The following LRRC8B variants were observed in gnomAD, a reference collection of about 807,000 sequenced individuals.
The protein encoded by LRRC8B is volume-regulated anion channel subunit LRRC8B.
Under a neutral mutation model 58.8 loss-of-function variants are expected in LRRC8B, and 23 were observed. The observed-to-expected ratio is 0.39, with a 90% CI of 0.28 to 0.55. The LOEUF is 0.55. LRRC8B is among the 20% of genes least tolerant of loss of function. The probability of loss-of-function intolerance (pLI) is 0.62; values close to 1 mark genes in which losing one functional copy is unlikely to be tolerated. For synonymous variants in LRRC8B, 359 were observed against 374.1 expected, an observed-to-expected ratio of 0.96 and a Z score of 0.47; for missense variants, 694 against 936.0, an observed-to-expected ratio of 0.74 and a Z score of 3.37.
chr1:89,548,983 A>G (rs372979647), intron 1 of LRRC8B, among the ~76,000 whole-genome samples: 54 of 152,162 alleles, frequency 3.5e-4, no homozygotes, highest in African/African-American at 1.3e-3. Context: ...AAAAAAGGAC[A>G]TATTAAGTTC....
chr1:89,555,917 C>G (rs1324254864), intron 1 of LRRC8B, among the ~76,000 whole-genome samples: 1 of 152,192 alleles, frequency 6.6e-6, no homozygotes, highest in Non-Finnish European at 1.5e-5. Context: ...CACAGAGCCC[C>G]ATTCCTGATA....
intron 1 of LRRC8B, among the ~76,000 whole-genome samples, chr1:89,533,247 A>G (rs374044066): frequency 6.6e-6 from 1 of 152,322 alleles, no homozygotes; most frequent in African/African-American, 2.4e-5. Flanking sequence ...CCTATGCCCC[A>G]GGATTAAGTC....
chr1:89,547,171 C>T (rs1430695054), intron 1 of LRRC8B, among the ~76,000 whole-genome samples: 1 of 151,536 alleles, frequency 6.6e-6, no homozygotes, highest in African/African-American at 2.4e-5. Flanking sequence ...TCAGTGACAT[C>T]ATGTTGGTAC....
chr1:89,548,401 T>C (rs1206511344), intron 1 of LRRC8B, among the ~76,000 whole-genome samples: 1 of 152,246 alleles, frequency 6.6e-6, no homozygotes, highest in African/African-American at 2.4e-5. Context: ...GTGGTCACTA[T>C]GATTATCCCA....
At chr1:89,556,536 A>G (rs1652204979) in intron 1 of LRRC8B, among the ~76,000 whole-genome samples, 1 of 152,008 alleles carries the variant, frequency 6.6e-6, no homozygotes, top group South Asian at 2.1e-4. Context: ...TGTAGAATGG[A>G]GCCCTTAAAC....
Position 89,582,827 on chromosome 1 carries a change from A to G in LRRC8B, c.177A>G (p.Lys59=). ...QSRVLCCLPC[K]VEFDNHCAVP... ...GGGTTCTGTGCTGTCTTCCATGCAAAGTGGAATTTGACAATCACTGTGCCG... is the reference window on the plus strand; with the variant it reads ...GGGTTCTGTGCTGTCTTCCATGCAAGGTGGAATTTGACAATCACTGTGCCG... The change falls in exon 5 of 6, where the codon AAA becomes AAG. Residue 59 remains lysine, a synonymous_variant. Transcript: ENST00000330947. The G allele has an allele frequency of 6.2e-7, 1 of 1,614,178 alleles. No homozygotes were observed. The highest frequency in any genetic ancestry group is 8.5e-7 in the Non-Finnish European group (1 of 1,180,034).
intron 1 of LRRC8B, among the ~76,000 whole-genome samples, chr1:89,529,960 C>T (rs1649988168): frequency 6.6e-6 from 1 of 151,936 alleles, no homozygotes; most frequent in Non-Finnish European, 1.5e-5. Flanking sequence ...CACATGTTCC[C>T]CACCCTCGTG....
intron 3 of LRRC8B, among the ~76,000 whole-genome samples, chr1:89,578,619 G>A (rs1286378370): frequency 6.6e-6 from 1 of 152,140 alleles, no homozygotes. Flanking sequence ...TTTGATATTT[G>A]AAATGACAAG....
chr1:89,556,829 G>C (rs1652227041), intron 1 of LRRC8B, among the ~76,000 whole-genome samples: 1 of 152,192 alleles, frequency 6.6e-6, no homozygotes. Flanking sequence ...ATAAGAGCTT[G>C]CTCTTTCAAA....
chr1:89,588,471 G>A lies in LRRC8B; in HGVS notation c.2139+3682G>A, dbSNP rs560234286. Among the ~76,000 whole-genome samples, 10 of 152,140 alleles carry A rather than the reference G, an allele frequency of 6.6e-5. No homozygotes were observed. In the South Asian group the frequency reaches 1.2e-3, roughly 19 times the overall value. On this transcript the variant is annotated intron_variant, in intron 5 of 5. Coordinates refer to ENST00000330947, the MANE Select transcript of LRRC8B (RefSeq NM_001369817.2). ...CCTAAGAACACTGGATTAGGGAAGCGTTAAAAAATAGAGGTCATCCACAGA... is the reference window on the plus strand; with the variant it reads ...CCTAAGAACACTGGATTAGGGAAGCATTAAAAAATAGAGGTCATCCACAGA...
intron 1 of LRRC8B, among the ~76,000 whole-genome samples, chr1:89,525,562 G>C (rs558034133): frequency 1.3e-5 from 2 of 152,200 alleles, no homozygotes; most frequent in Non-Finnish European, 2.9e-5. Context: ...TTTGGTGGTG[G>C]TGTTGGGCGT....
chr1:89,543,633 G>C lies in LRRC8B; in HGVS notation c.-241+18611G>C, dbSNP rs543695994. Among the ~76,000 whole-genome samples the C allele has an allele frequency of 3.5e-3, 524 of 151,548 alleles. 2 individuals are homozygous for C. Among genetic ancestry groups the C allele is most frequent in the Non-Finnish European group, 5.2e-3 (351 of 67,846 alleles). On this transcript the variant is annotated intron_variant, in intron 1 of 5. Transcript: ENST00000330947. ...GCCTCAGCCTCCTGAGTAGCTGGGA[G>C]TACAGGCACATGCCAGCAGCCCTGG... is the stretch of plus-strand genomic sequence containing the variant.
rs1044063248 is a variant in LRRC8B at position 89,593,247 on chromosome 1, T to C, written c.*204T>C. The C allele has an allele frequency of 2.5e-5, 13 of 518,266 alleles. No homozygotes were observed. The highest frequency in any genetic ancestry group is 3.4e-5 in the Non-Finnish European group (10 of 290,378). 32.1% of individuals were successfully genotyped at this position (518,266 alleles called of 1,614,324 possible). On this transcript the variant is annotated 3_prime_UTR_variant, in exon 6 of 6. Transcript: ENST00000330947. The stretch of plus-strand genomic sequence containing the variant: ...AAAAAATTAGCCAGGCGTGGTGGCG[T>C]GCGCCTGTAATCCCAGCTACTTGGG...
Position 89,545,789 on chromosome 1 carries a change from G to A in LRRC8B, c.-241+20767G>A, listed in dbSNP as rs577023566. ...AGAAGGCATATGACTCACAAGTTCA[G>A]TGGAAACATCGTAGGAGGTGAGGCT... On this transcript the variant is annotated intron_variant, in intron 1 of 5. Coordinates refer to ENST00000330947, the MANE Select transcript of LRRC8B (RefSeq NM_001369817.2). Among the ~76,000 whole-genome samples, 4 of 152,306 alleles carry A rather than the reference G, an allele frequency of 2.6e-5. No homozygotes were observed. The South Asian group carries it at 6.2e-4, about 24-fold the overall frequency.
At chr1:89,569,699 GTTTTTC>G (rs957439398) in intron 3 of LRRC8B, among the ~76,000 whole-genome samples, 3 of 151,898 alleles carry the variant, frequency 2.0e-5, no homozygotes, top group African/African-American at 7.3e-5. Flanking sequence ...TATTTTCTAT[GTTTTTC>G]TTTATCTTTT....
chr1:89,534,716 A>G (rs181745153), intron 1 of LRRC8B, among the ~76,000 whole-genome samples: 65 of 152,338 alleles, frequency 4.3e-4, no homozygotes, highest in African/African-American at 1.3e-3. Context: ...CTTGCCATAT[A>G]AATATATGGG....
chr1:89,527,196 T>G (rs1045605750), intron 1 of LRRC8B, among the ~76,000 whole-genome samples: 6 of 152,258 alleles, frequency 3.9e-5, no homozygotes, highest in Admixed American at 6.5e-5. Context: ...GTTTTTGTAT[T>G]TTAGTTTTCA....
intron 5 of LRRC8B, among the ~76,000 whole-genome samples, chr1:89,589,841 C>T (rs1185759485): frequency 6.6e-6 from 1 of 150,994 alleles, no homozygotes; most frequent in South Asian, 2.1e-4. Context: ...GGGAAAAAGC[C>T]AGGGGTATTT....
In LRRC8B at chr1:89,584,167, T is replaced by C. The variant is rs547742038; in HGVS notation, c.1517T>C (p.Val506Ala). 1 of 1,611,926 alleles carries C rather than the reference T, an allele frequency of 6.2e-7. No homozygotes were observed. Among genetic ancestry groups the C allele is most frequent in the Non-Finnish European group, 8.5e-7 (1 of 1,180,002 alleles). Reference sequence around the variant, plus strand: ...GAAATGGGAAAAATCCCACGCTGGGTATTTCACCTCAAGAATCTCAAGGAA... The same window carrying C: ...GAAATGGGAAAAATCCCACGCTGGGCATTTCACCTCAAGAATCTCAAGGAA... The part of the protein sequence containing the change: ...FTEMGKIPRW[V>A]FHLKNLKELY... The change falls in exon 5 of 6, where the codon GTA becomes GCA. Residue 506 changes from valine to alanine, a missense_variant. Val to Ala is a moderately conservative substitution (Grantham distance 64). This residue lies in a region of LRRC8B where 162 missense variants were observed against 198.5 expected (regional missense o/e 0.82). Coordinates refer to ENST00000330947, the MANE Select transcript of LRRC8B (RefSeq NM_001369817.2).
Sources: gnomAD v4.1 joint callset for allele counts (sites outside exome capture counted in the v4.1 genomes callset) on GRCh38, gnomAD v4.1.1 for gene constraint, gnomAD v4.1.1 regional missense constraint, MANE v1.5 for transcripts, NCBI Gene and HGNC (gene_info 2026-07-23, HGNC 2026-07-21) for gene names.